The following FRAS1 variants were observed in gnomAD, a reference collection of about 807,000 sequenced individuals.
The protein encoded by FRAS1 is Fraser extracellular matrix complex subunit 1, also known as extracellular matrix organizing protein FRAS1.
A neutral mutation model predicts 435.2 loss-of-function variants in FRAS1; 290 were observed. That is an observed-to-expected ratio of 0.67 (90% CI 0.61 to 0.73). The LOEUF is 0.73. Ranked by LOEUF, FRAS1 falls within the 30% of genes least tolerant of loss-of-function variation. The probability of loss-of-function intolerance (pLI) is 0.00; values close to 1 mark genes in which losing one functional copy is unlikely to be tolerated. For synonymous variants in FRAS1, 1,800 were observed against 1,851.0 expected (o/e 0.97, Z 0.71); for missense variants, 4,860 against 5,001.5 (o/e 0.97, Z 0.85).
intron 47 of FRAS1, among the ~76,000 whole-genome samples, chr4:78,453,482 A>AG (rs1465411957): frequency 6.6e-6 from 1 of 152,180 alleles, no homozygotes; most frequent in African/African-American, 2.4e-5. Context: ...AAGGGATGTG[A>AG]GTGACAAGAG....
intron 29 of FRAS1, among the ~76,000 whole-genome samples, chr4:78,388,886 A>G (rs1732334727): frequency 6.6e-6 from 1 of 152,308 alleles, no homozygotes; most frequent in African/African-American, 2.4e-5. Context: ...CCATATCCAC[A>G]AGCACCTGTA....
rs1719822817 is a variant in FRAS1 at position 78,475,320 on chromosome 4, C to G, written c.7683-118C>G. The stretch of plus-strand genomic sequence containing the variant: ...AGCCTGGATTCTTAGAGGAACCAAA[C>G]TTCCTCTTCTCTGACTACCTAATGC... On this transcript the variant is annotated intron_variant, in intron 53 of 73. Transcript: ENST00000512123. 1.1e-5 allele frequency: 11 copies of G among 1,042,648 alleles called. No homozygotes were observed. In the South Asian group the frequency reaches 1.7e-4, roughly 16 times the overall value. The allele number at this position is 1,042,648 out of a possible 1,614,324, so 64.6% of individuals were successfully genotyped here. A position where few individuals can be genotyped will look rare whatever the true frequency, so the allele number is the denominator to read the frequency against.
chr4:78,218,099 C>CACACACACACAG (rs1723880417), intron 2 of FRAS1, among the ~76,000 whole-genome samples: 1 of 5,204 alleles, frequency 1.9e-4, no homozygotes, highest in Non-Finnish European at 2.0e-3. Flanking sequence ...CACTCTCTCT[C>CACACACACACAG]ACACACACAC....
chr4:78,500,164 T>A (rs1369138862), intron 61 of FRAS1, among the ~76,000 whole-genome samples: 3 of 152,186 alleles, frequency 2.0e-5, no homozygotes, highest in East Asian at 3.9e-4. Flanking sequence ...TTTAAAAGAA[T>A]TTTTTGTTAG....
At chr4:78,182,722 A>G (rs894688392) in intron 2 of FRAS1, among the ~76,000 whole-genome samples, 3 of 152,154 alleles carry the variant, frequency 2.0e-5, no homozygotes, top group Admixed American at 2.0e-4. Context: ...TACTAAGGAT[A>G]CAAAAAAATT....
chr4:78,441,403 G>C (rs1426641515), intron 41 of FRAS1, 106 bp downstream of exon 41: 4 of 1,069,502 alleles, frequency 3.7e-6, no homozygotes, highest in Non-Finnish European at 4.1e-6. Flanking sequence ...CAGAGGAGGG[G>C]AACCATTTCA....
At position 78,448,259 on chromosome 4, in the gene FRAS1, C is replaced by A; in HGVS notation, c.6217C>A (p.Leu2073Met). 1 of 1,612,768 alleles carries A rather than the reference C, an allele frequency of 6.2e-7. No individual in the cohort carries two copies. Among genetic ancestry groups the A allele is most frequent in the East Asian group, 2.2e-5 (1 of 44,866 alleles). ...AGGGAGGATGAAGATCTACACAGAA[C>A]TGCCTGCAAGTGACACACCTCACTT... ...DTGRMKIYTE[L>M]PASDTPHLAI... The change falls in exon 44 of 74, where the codon CTG becomes ATG. Residue 2073 changes from leucine to methionine, a missense_variant. By Grantham distance (15) the Leu-to-Met change is conservative (BLOSUM62 2). Transcript: ENST00000512123.
chr4:78,245,935 G>A (rs1303708035), intron 4 of FRAS1, among the ~76,000 whole-genome samples: 2 of 152,130 alleles, frequency 1.3e-5, no homozygotes, highest in Admixed American at 6.5e-5. Flanking sequence ...CCTCAGTCAT[G>A]TCAACCAGAA....
chr4:78,256,509 G>T (rs1725803692), intron 6 of FRAS1, among the ~76,000 whole-genome samples: 1 of 152,144 alleles, frequency 6.6e-6, no homozygotes, highest in African/African-American at 2.4e-5. Context: ...GAGGTGGGAA[G>T]GAGGAATGGA....
chr4:78,439,594 T>C (rs1734573525), intron 40 of FRAS1, among the ~76,000 whole-genome samples: 2 of 152,222 alleles, frequency 1.3e-5, no homozygotes, highest in African/African-American at 4.8e-5. Context: ...TTGCCTCAGC[T>C]TCCTTGTCTT....
Position 78,057,702 on chromosome 4 carries a change from T to G in FRAS1, c.-308T>G. 2.4e-6 allele frequency: 1 copy of G among 417,426 alleles called. No individual in the cohort carries two copies. The highest frequency in any genetic ancestry group is 4.3e-6 in the Non-Finnish European group (1 of 232,312). The allele number at this position is 417,426 out of a possible 1,614,324, so 25.9% of individuals were successfully genotyped here. A position where few individuals can be genotyped will look rare whatever the true frequency, so the allele number is the denominator to read the frequency against. ...AGTGACCAGCAACTTTCCGGCGAGA[T>G]TTTGACGCGGAGAACTGTGCTCTGC... On this transcript the variant is annotated 5_prime_UTR_variant, in exon 1 of 74. Coordinates refer to ENST00000512123, the MANE Select transcript of FRAS1 (RefSeq NM_025074.7). This position sits in a 1 kb window ranked among gnomAD's most constrained non-coding sequence, Gnocchi z 4.2.
At chr4:78,508,710 A>C (rs558569116) in intron 62 of FRAS1, 21 bp from the exon 63 acceptor site, 1 of 1,613,224 alleles carries the variant, frequency 6.2e-7, no homozygotes, top group East Asian at 2.2e-5. Context: ...CCTGAACTGA[A>C]GCTTTGTTGC....
intron 10 of FRAS1, among the ~76,000 whole-genome samples, chr4:78,279,485 A>G (rs1315860275): frequency 1.3e-5 from 2 of 151,958 alleles, no homozygotes; most frequent in Non-Finnish European, 2.9e-5. Context: ...GGGTTTTGTA[A>G]TGGTCCTGGC....
At chr4:78,497,937 A>G (rs1409377276) in intron 60 of FRAS1, among the ~76,000 whole-genome samples, 1 of 152,028 alleles carries the variant, frequency 6.6e-6, no homozygotes, top group Admixed American at 6.5e-5. Context: ...TAGAAAACCC[A>G]TCATTGAGAC....
chr4:78,479,304 C>A, intron 55 of FRAS1, 70 bp from the exon 56 acceptor site: 1 of 1,087,392 alleles, frequency 9.2e-7, no homozygotes, highest in Non-Finnish European at 1.3e-6. Context: ...AGCTCATTAA[C>A]TTACCAGAGG....
rs1718907044 is a variant in FRAS1, at chr4:78,448,050, C to T, written c.6011-3C>T. The T allele has an allele frequency of 6.3e-7, 1 of 1,593,776 alleles. No individual in the cohort carries two copies. Among genetic ancestry groups the T allele is most frequent in the Non-Finnish European group, 8.6e-7 (1 of 1,168,208 alleles). ...TTTTGCTTTTCTTTACCTCTTCCCT[C>T]AGGTCATGTACTCTGGAGGCAAACT... is the stretch of plus-strand genomic sequence containing the variant. On this transcript the variant is annotated splice_region_variant and splice_polypyrimidine_tract_variant and intron_variant, in intron 43 of 73. Coordinates refer to ENST00000512123, the MANE Select transcript of FRAS1 (RefSeq NM_025074.7).
intron 2 of FRAS1, among the ~76,000 whole-genome samples, chr4:78,200,701 C>T (rs1723011159): frequency 6.6e-6 from 1 of 151,614 alleles, no homozygotes. Flanking sequence ...GTCAGTGTGG[C>T]ATCAGTTTAA....
rs1477472175 is a variant in FRAS1 at position 78,387,659 on chromosome 4, C to T, written c.3933C>T (p.His1311=). ...CAGTCTTGCAGGCCAATGATGGACACTCCTTCCATAATATACTGTTCCAAG... is the reference window on the plus strand; with the variant it reads ...CAGTCTTGCAGGCCAATGATGGACATTCCTTCCATAATATACTGTTCCAAG... ...DVAVLQANDG[H]SFHNILFQVK... Residue 1311 remains histidine, a synonymous_variant, in exon 29 of 74, where the codon CAC becomes CAT. Coordinates refer to ENST00000512123, the MANE Select transcript of FRAS1 (RefSeq NM_025074.7). The T allele has an allele frequency of 1.9e-6, 3 of 1,594,854 alleles. No individual in the cohort carries two copies. The South Asian group carries it at 3.4e-5, about 18-fold the overall frequency.
chr4:78,301,685 A>T (rs1314451080), intron 14 of FRAS1, among the ~76,000 whole-genome samples: 1 of 152,056 alleles, frequency 6.6e-6, no homozygotes, highest in Non-Finnish European at 1.5e-5. Context: ...TACAAAAGGC[A>T]AGGGGGTGGA....
Sources: gnomAD v4.1 joint callset for allele counts (sites outside exome capture counted in the v4.1 genomes callset) on GRCh38, gnomAD v4.1.1 for gene constraint, Gnocchi (gnomAD v3.1) non-coding constraint, MANE v1.5 for transcripts, NCBI Gene and HGNC (gene_info 2026-07-23, HGNC 2026-07-21) for gene names.